The following PAPPA variants were observed in gnomAD, a reference collection of about 807,000 sequenced individuals.
The protein encoded by PAPPA is pappalysin-1.
A neutral mutation model predicts 164.0 loss-of-function variants in PAPPA; 60 were observed. That is an observed-to-expected ratio of 0.37 (90% confidence interval 0.30 to 0.45). The LOEUF (loss-of-function observed/expected upper bound fraction) is 0.45. Ranked by LOEUF, PAPPA falls within the 20% of genes least tolerant of loss-of-function variation. The pLI is 1.00. For missense variants in PAPPA, 1,782 were observed against 2,087.3 expected (o/e 0.85, Z 2.85); for synonymous variants, 875 against 814.1 (o/e 1.07, Z -1.27).
intron 13 of PAPPA, among the ~76,000 whole-genome samples, chr9:116,335,962 G>T (rs937881704): frequency 1.3e-5 from 2 of 152,166 alleles, no homozygotes; most frequent in Non-Finnish European, 2.9e-5. Flanking sequence ...GATGATGATG[G>T]TGCTGCTTCT....
rs191824886 is a variant in PAPPA, at chr9:116,222,855, C to A, written c.2111+2726C>A. 5.7e-4 allele frequency among the ~76,000 whole-genome samples: 87 copies of A among 152,014 alleles called. No individual in the cohort carries two copies. The East Asian group carries it at 9.3e-3, about 16-fold the overall frequency. On this transcript the variant is annotated intron_variant, in intron 5 of 21. Coordinates refer to ENST00000328252, the MANE Select transcript of PAPPA (RefSeq NM_002581.5). ...AAAGGATAGATTTCAAATGTTTTTG[C>A]CAAAAAACAGTGTGAGAGATGATGG... is the stretch of plus-strand genomic sequence containing the variant.
chr9:116,201,337 C>T (rs968261970), intron 2 of PAPPA, among the ~76,000 whole-genome samples: 15 of 152,130 alleles, frequency 9.9e-5, no homozygotes, highest in African/African-American at 2.9e-4. Flanking sequence ...AATTAAGTAG[C>T]GGTTCATGGA....
chr9:116,355,623 T>G (rs1846343754), intron 17 of PAPPA, among the ~76,000 whole-genome samples: 1 of 152,188 alleles, frequency 6.6e-6, no homozygotes, highest in South Asian at 2.1e-4. Context: ...AAACTGTTGC[T>G]AACAGTTACC....
chr9:116,225,020 G>T (rs1401321537), intron 5 of PAPPA, among the ~76,000 whole-genome samples: 3 of 152,222 alleles, frequency 2.0e-5, no homozygotes, highest in Non-Finnish European at 4.4e-5. Context: ...ATGATTATTT[G>T]TTCACTCATC....
intron 1 of PAPPA, among the ~76,000 whole-genome samples, chr9:116,186,649 A>C (rs1587943011): frequency 6.6e-6 from 1 of 151,594 alleles, no homozygotes; most frequent in Non-Finnish European, 1.5e-5. Context: ...TATGGTAGGG[A>C]CCTCCCTTCT....
intron 4 of PAPPA, 105 bp downstream of exon 4, chr9:116,212,037 G>A (rs969042455): frequency 5.1e-6 from 5 of 973,906 alleles, no homozygotes; most frequent in African/African-American, 3.2e-5. Flanking sequence ...TTCTAAGGAT[G>A]GAAGGCCTAG....
chr9:116,163,851 C>G (rs957767465), intron 1 of PAPPA, among the ~76,000 whole-genome samples: 1 of 152,056 alleles, frequency 6.6e-6, no homozygotes, highest in Non-Finnish European at 1.5e-5. Flanking sequence ...TTAGGACTTC[C>G]CAGAAAGCTT....
At chr9:116,276,598 A>G (rs1353899514) in intron 9 of PAPPA, among the ~76,000 whole-genome samples, 2 of 152,238 alleles carry the variant, frequency 1.3e-5, no homozygotes, top group African/African-American at 4.8e-5. Flanking sequence ...TAAAGGCTTT[A>G]GGTTTCAAAT....
intron 2 of PAPPA, among the ~76,000 whole-genome samples, chr9:116,200,115 TC>T (rs952817429): frequency 6.6e-6 from 1 of 152,170 alleles, no homozygotes; most frequent in Non-Finnish European, 1.5e-5. Flanking sequence ...GCCATTGCTG[TC>T]CCCTCCAGCT....
chr9:116,261,417 C>T (rs879466296), intron 7 of PAPPA, among the ~76,000 whole-genome samples: 6 of 152,144 alleles, frequency 3.9e-5, no homozygotes, highest in Non-Finnish European at 8.8e-5. Context: ...TGTCTCTCCC[C>T]TTCCTCCTAT....
At chr9:116,371,309 C>T (rs1034624851) in intron 19 of PAPPA, among the ~76,000 whole-genome samples, 17 of 152,062 alleles carry the variant, frequency 1.1e-4, no homozygotes, top group Non-Finnish European at 2.4e-4. Context: ...CCCAGCTACT[C>T]GGGAAGCTGA....
At chr9:116,302,515 T>C (rs1845591448) in intron 9 of PAPPA, among the ~76,000 whole-genome samples, 1 of 152,200 alleles carries the variant, frequency 6.6e-6, no homozygotes, top group Non-Finnish European at 1.5e-5. Flanking sequence ...TCCCTTAACA[T>C]GGTGGCCTCC....
chr9:116,374,388 G>A (rs554284080), intron 19 of PAPPA, among the ~76,000 whole-genome samples: 1 of 152,236 alleles, frequency 6.6e-6, no homozygotes, highest in South Asian at 2.1e-4. Context: ...GACATCTGAG[G>A]GGCCCCATCT....
chr9:116,374,310 T>TACAAA (rs1846621525), intron 19 of PAPPA, among the ~76,000 whole-genome samples: 1 of 152,116 alleles, frequency 6.6e-6, no homozygotes, highest in Non-Finnish European at 1.5e-5. Flanking sequence ...AAAGCCTTCT[T>TACAAA]ACAAAACCTG....
intron 10 of PAPPA, 103 bp from the exon 11 acceptor site, chr9:116,331,141 G>T: frequency 1.4e-6 from 1 of 706,030 alleles, no homozygotes; most frequent in Non-Finnish European, 2.4e-6. Context: ...TTCCTGTGGT[G>T]CCAAGAGCAA....
In PAPPA at chr9:116,389,576, AT is replaced by A. The variant is rs564167454; in HGVS notation, c.4777-6931del. Among the ~76,000 whole-genome samples the A allele has an allele frequency of 7.9e-5, 12 of 152,136 alleles. 1 individual carries two copies. The South Asian group carries it at 2.3e-3, about 29-fold the overall frequency. ...ATGCCTTTTCTTATTCACCTCTGGC[AT>A]TCTGGACCCCTTGCTATCCTTAGTT... On this transcript the variant is annotated intron_variant, in intron 21 of 21. Coordinates refer to ENST00000328252, the MANE Select transcript of PAPPA (RefSeq NM_002581.5).
chr9:116,215,572 C>T (rs756307130), intron 4 of PAPPA, among the ~76,000 whole-genome samples: 6 of 152,100 alleles, frequency 3.9e-5, no homozygotes, highest in Non-Finnish European at 7.4e-5. Flanking sequence ...AGGGGAACAA[C>T]ACACACTGGG....
In PAPPA at chr9:116,187,626, C is replaced by T; in HGVS notation, c.888C>T (p.Ala296=). ...LQENWDNVKH[A]WSPMKDGSSP... Reference sequence around the variant, plus strand: ...AGAACTGGGACAATGTGAAGCATGCCTGGTCCCCCATGAAGGATGGCAGCA... The same window carrying T: ...AGAACTGGGACAATGTGAAGCATGCTTGGTCCCCCATGAAGGATGGCAGCA... Residue 296 remains alanine, a synonymous_variant, in exon 2 of 22, where the codon GCC becomes GCT. Coordinates refer to ENST00000328252, the MANE Select transcript of PAPPA (RefSeq NM_002581.5). This position sits in a 1 kb window ranked among gnomAD's most constrained non-coding sequence, Gnocchi z 4.2. The T allele has an allele frequency of 6.2e-7, 1 of 1,614,224 alleles. No individual in the cohort carries two copies. Among genetic ancestry groups the T allele is most frequent in the Middle Eastern group, 1.6e-4 (1 of 6,062 alleles).
intron 1 of PAPPA, among the ~76,000 whole-genome samples, chr9:116,172,168 A>T (rs1454066293): frequency 2.0e-5 from 3 of 152,210 alleles, no homozygotes; most frequent in Non-Finnish European, 4.4e-5. Context: ...AATTTTCCAG[A>T]TGAAAGATGA....
Sources: gnomAD v4.1 joint callset for allele counts (sites outside exome capture counted in the v4.1 genomes callset) on GRCh38, gnomAD v4.1.1 for gene constraint, Gnocchi (gnomAD v3.1) non-coding constraint, MANE v1.5 for transcripts, NCBI Gene and HGNC (gene_info 2026-07-23, HGNC 2026-07-21) for gene names.